CNOT10: variants seen among roughly 807,000 people sequenced by gnomAD.
CNOT10 encodes CCR4-NOT transcription complex, subunit 10.
Under a neutral mutation model 94.6 loss-of-function variants are expected in CNOT10, and 30 were observed. That is an observed-to-expected ratio of 0.32 (90% confidence interval 0.24 to 0.43). CNOT10 has a LOEUF of 0.43. Ranked by LOEUF, CNOT10 falls within the 20% of genes least tolerant of loss-of-function variation. CNOT10 has a pLI of 1.00. For synonymous variants in CNOT10, 289 were observed against 301.6 expected, an observed-to-expected ratio of 0.96 and a Z score of 0.43; for missense variants, 759 against 877.2, an observed-to-expected ratio of 0.87 and a Z score of 1.70.
intron 12 of CNOT10, among the ~76,000 whole-genome samples, chr3:32,736,997 C>A (rs1429018503): frequency 6.6e-6 from 1 of 152,106 alleles, no homozygotes; most frequent in Non-Finnish European, 1.5e-5. Context: ...TTGTTTAACT[C>A]TTTTACACTT....
intron 1 of CNOT10, among the ~76,000 whole-genome samples, chr3:32,688,338 C>T (rs940266781): frequency 2.0e-5 from 3 of 152,164 alleles, no homozygotes; most frequent in African/African-American, 4.8e-5. Context: ...GTGGCTCACA[C>T]CTGTAATCCC....
intron 13 of CNOT10, 50 bp from the exon 14 acceptor site, chr3:32,759,408 T>G: frequency 7.9e-7 from 1 of 1,263,108 alleles, no homozygotes; most frequent in Middle Eastern, 1.9e-4. Flanking sequence ...AATATAACCA[T>G]TATCAATGTT....
intron 1 of CNOT10, among the ~76,000 whole-genome samples, chr3:32,690,380 G>T (rs867123007): frequency 4.6e-5 from 7 of 151,918 alleles, no homozygotes; most frequent in Admixed American, 3.3e-4. Context: ...GAGTTTTTTG[G>T]TTTTTTTGTT....
At chr3:32,694,567 T>A (rs1696973232) in intron 1 of CNOT10, among the ~76,000 whole-genome samples, 1 of 152,132 alleles carries the variant, frequency 6.6e-6, no homozygotes, top group Admixed American at 6.6e-5. Flanking sequence ...ATGCTGATAT[T>A]GTTTTTTCTT....
chr3:32,726,626 G>C (rs1698678064), intron 9 of CNOT10, among the ~76,000 whole-genome samples: 2 of 151,236 alleles, frequency 1.3e-5, no homozygotes, highest in African/African-American at 4.9e-5. Context: ...TACCCAGGAG[G>C]CGGAGCTTGC....
chr3:32,751,656 T>C (rs1052635199), intron 13 of CNOT10, among the ~76,000 whole-genome samples: 1 of 152,208 alleles, frequency 6.6e-6, no homozygotes, highest in African/African-American at 2.4e-5. Context: ...ACATAAATAT[T>C]ATAGACAGTT....
rs991189076 is a variant in CNOT10 at position 32,738,523 on chromosome 3, C to T, written c.1595+1033C>T. On this transcript the variant is annotated intron_variant, in intron 13 of 18. Transcript: ENST00000328834. ...TGTCTCCCAGGCTGGAGTGCAGTGGCGCGATCTCGGCTCACTGCAAGCTCC... is the reference window on the plus strand; with the variant it reads ...TGTCTCCCAGGCTGGAGTGCAGTGGTGCGATCTCGGCTCACTGCAAGCTCC... 7.4e-5 allele frequency among the ~76,000 whole-genome samples: 11 copies of T among 148,082 alleles called. No homozygotes were observed. In the South Asian group the frequency reaches 1.1e-3, roughly 14 times the overall value.
intron 13 of CNOT10, among the ~76,000 whole-genome samples, chr3:32,755,544 A>G (rs191643478): frequency 1.1e-4 from 17 of 151,952 alleles, no homozygotes; most frequent in Admixed American, 1.1e-3. Flanking sequence ...CTGTGAGGCT[A>G]CTTTGTAAAT....
chr3:32,687,145 C>T (rs1385885150), intron 1 of CNOT10, among the ~76,000 whole-genome samples: 2 of 151,998 alleles, frequency 1.3e-5, no homozygotes, highest in Non-Finnish European at 2.9e-5. Context: ...TAGTGTAGCT[C>T]CTTTGAATCT....
intron 1 of CNOT10, among the ~76,000 whole-genome samples, chr3:32,695,024 A>G (rs1199763416): frequency 1.3e-5 from 2 of 152,102 alleles, no homozygotes; most frequent in African/African-American, 4.8e-5. Context: ...CGTGCTGGCC[A>G]TGCTGATATT....
At chr3:32,743,030 A>G (rs1336621089) in intron 13 of CNOT10, among the ~76,000 whole-genome samples, 5 of 128,466 alleles carry the variant, frequency 3.9e-5, no homozygotes, top group African/African-American at 1.3e-4. Flanking sequence ...CTTGTTCCCC[A>G]GGCTGGAGTG....
chr3:32,749,634 A>G (rs925897855), intron 13 of CNOT10, among the ~76,000 whole-genome samples: 2 of 151,040 alleles, frequency 1.3e-5, no homozygotes, highest in African/African-American at 4.9e-5. Context: ...GGTCTCGAAC[A>G]CCCAACTTTC....
chr3:32,750,910 C>G (rs76505135), intron 13 of CNOT10, among the ~76,000 whole-genome samples: 6,313 of 152,130 alleles, frequency 0.041, 134 homozygotes, highest in East Asian at 0.1. Flanking sequence ...TGAACTGACT[C>G]TTACATGTTG....
chr3:32,764,550 C>G, intron 16 of CNOT10, 60 bp downstream of exon 16: 1 of 1,604,824 alleles, frequency 6.2e-7, no homozygotes, highest in Admixed American at 1.7e-5. Flanking sequence ...AATTTAGATT[C>G]TAAATCTTCT....
intron 1 of CNOT10, chr3:32,695,968 AGTGT>A (rs764702440): frequency 0.12 from 52,732 of 425,560 alleles, 1,684 homozygotes; most frequent in Admixed American, 0.17. Context: ...TGTTGAAGAG[AGTGT>A]GTGTGTGTGT....
At chr3:32,746,836 C>CAAAAA (rs71630540) in intron 13 of CNOT10, among the ~76,000 whole-genome samples, 1 of 84,162 alleles carries the variant, frequency 1.2e-5, no homozygotes, top group Admixed American at 1.4e-4. Flanking sequence ...GACTCCGTCT[C>CAAAAA]AAAAAAAAAA....
chr3:32,723,175 C>T (rs1338854230), intron 8 of CNOT10, among the ~76,000 whole-genome samples: 6 of 151,952 alleles, frequency 3.9e-5, no homozygotes, highest in Non-Finnish European at 2.9e-5. Context: ...GGGCAGATCA[C>T]AAGGCCAGGA....
intron 1 of CNOT10, among the ~76,000 whole-genome samples, chr3:32,694,773 A>G (rs1292059622): frequency 6.6e-6 from 1 of 152,104 alleles, no homozygotes; most frequent in African/African-American, 2.4e-5. Context: ...TATTTTTAGT[A>G]GAGATGGGGG....
rs549645606 is a variant in CNOT10 at position 32,703,022 on chromosome 3, C to T, written c.23-846C>T. Reference sequence around the variant, plus strand: ...CACCTCCCAGGTTCACGCCATTCTCCCGCCTCAGTCTCCCAAGTAGCTGGG... The same window carrying T: ...CACCTCCCAGGTTCACGCCATTCTCTCGCCTCAGTCTCCCAAGTAGCTGGG... On this transcript the variant is annotated intron_variant, in intron 1 of 18. Transcript: ENST00000328834. 2.6e-5 allele frequency among the ~76,000 whole-genome samples: 4 copies of T among 151,812 alleles called. No homozygotes were observed. In the South Asian group the frequency reaches 8.3e-4, roughly 32 times the overall value.
Sources: allele counts gnomAD v4.1 joint callset (sites outside exome capture counted in the v4.1 genomes callset), GRCh38; gene constraint gnomAD v4.1.1; transcripts MANE v1.5; gene names NCBI Gene and HGNC (gene_info 2026-07-23, HGNC 2026-07-21).